The following PER1 variants were observed in gnomAD, a reference collection of about 807,000 sequenced individuals.
PER1 encodes the protein period circadian regulator 1, also known as period circadian protein homolog 1.
Under a neutral mutation model 125.9 loss-of-function variants are expected in PER1, and 87 were observed. The ratio of observed to expected loss-of-function variants is 0.69; its 90% CI spans 0.58 to 0.83. PER1 has a LOEUF of 0.83. Ranked by LOEUF, PER1 falls within the 40% of genes least tolerant of loss-of-function variation. The pLI, the probability that PER1 is intolerant of heterozygous loss-of-function variation, is 0.00. For synonymous variants in PER1, 801 were observed against 714.7 expected (o/e 1.12, Z -1.93); for missense variants, 1,775 against 1,722.8 (o/e 1.03, Z -0.54).
Position 8,143,348 on chromosome 17 carries a change from C to T in PER1, c.2990G>A (p.Gly997Glu), listed in dbSNP as rs780194147. The change falls in exon 19 of 23, where the codon GGG (glycine) becomes GAG (glutamate). Residue 997 changes from glycine (G) to glutamate (E), a missense_variant. Physicochemically the swap from Gly to Glu is moderately conservative, Grantham distance 98. Transcript: ENST00000317276. The stretch of plus-strand genomic sequence containing the variant: ...CCCAGGGCCTCCTGCAACAGCAGCC[C>T]CCTCAGCACGGGGGAGCTCCTCCAG... Reference protein sequence around the residue: ...LQLEELPRAEGAAVAGGPGSS... With the variant: ...LQLEELPRAEEAAVAGGPGSS... The T allele has an allele frequency of 1.9e-6, 3 of 1,611,148 alleles. No individual in the cohort carries two copies. The highest frequency in any genetic ancestry group is 2.5e-6 in the Non-Finnish European group (3 of 1,178,598).
In PER1 at chr17:8,148,725, T is replaced by A; in HGVS notation, c.967A>T (p.Thr323Ser). The change falls in exon 8 of 23, where the codon ACC becomes TCC. Residue 323 changes from threonine to serine, a missense_variant. Transcript: ENST00000317276. ...GCCCCATCTGAGACCCGGATCTTGG[T>A]CACATACGGGGTTAGGCGGAATGGC... ...YQPFRLTPYV[T>S]KIRVSDGAPA... 1.9e-6 allele frequency: 3 copies of A among 1,613,698 alleles called. No individual in the cohort carries two copies. Among genetic ancestry groups the A allele is most frequent in the Non-Finnish European group, 2.5e-6 (3 of 1,179,856 alleles).
intron 5 of PER1, 38 bp downstream of exon 5, chr17:8,149,717 G>C (rs1982711702): frequency 3.7e-6 from 6 of 1,612,646 alleles, no homozygotes; most frequent in Admixed American, 1.7e-5. Flanking sequence ...AGAAGGAGTA[G>C]GGGTGCGTCG....
Position 8,142,297 on chromosome 17 carries a change from C to G in PER1, c.3421G>C (p.Val1141Leu). ...WLLMANADQR[V>L]MMTYQVPSRD... The stretch of plus-strand genomic sequence containing the variant: ...GAGGGCACCTGGTAGGTCATCATGA[C>G]GCGCTGGTCAGCATTGGCCATGAGC... Residue 1141 changes from valine to leucine, a missense_variant, in exon 21 of 23, where the codon GTC becomes CTC. Physicochemically the swap from Val to Leu is conservative, Grantham distance 32 (BLOSUM62 1). Coordinates refer to ENST00000317276, the MANE Select transcript of PER1 (RefSeq NM_002616.3). 1 of 1,605,366 alleles carries G rather than the reference C, an allele frequency of 6.2e-7. No individual in the cohort carries two copies. The highest frequency in any genetic ancestry group is 1.1e-5 in the South Asian group (1 of 89,680).
At chr17:8,141,446 C>CA (rs1209605482) in intron 22 of PER1, 106 bp from the exon 23 acceptor site, 1 of 1,296,906 alleles carries the variant, frequency 7.7e-7, no homozygotes, top group Non-Finnish European at 1.1e-6. Context: ...AATGTACTCC[C>CA]AAGAAGCACC....
rs746341075 is a variant in PER1, at chr17:8,149,470, G to A, written c.845C>T (p.Ala282Val). 1 of 1,612,824 alleles carries A rather than the reference G, an allele frequency of 6.2e-7. No homozygotes were observed. Among genetic ancestry groups the A allele is most frequent in the South Asian group, 1.1e-5 (1 of 91,068 alleles). The change falls in exon 6 of 23, where the codon GCC becomes GTC. Residue 282 changes from alanine (A) to valine (V), a missense_variant. Physicochemically the swap from Ala to Val is moderately conservative, Grantham distance 64 (BLOSUM62 0). Coordinates refer to ENST00000317276, the MANE Select transcript of PER1 (RefSeq NM_002616.3). ...PSRLPTWGTG[A>V]SAGSGLRDFT... ...GCGCTTGGGCACCTCACCTGCTGAG[G>A]CCCCTGTGCCCCAGGTGGGCAGGCG...
At chr17:8,146,214 G>T (rs1211813003) in intron 16 of PER1, 77 bp from the exon 17 acceptor site, 28 of 1,536,096 alleles carry the variant, frequency 1.8e-5, no homozygotes, top group Non-Finnish European at 2.5e-5. Flanking sequence ...GGGAAAAGGG[G>T]AAGGGGATGG....
intron 1 of PER1, among the ~76,000 whole-genome samples, chr17:8,151,439 G>A (rs1982857345): frequency 6.6e-6 from 1 of 152,108 alleles, no homozygotes; most frequent in African/African-American, 2.4e-5. Context: ...ACTGGTGGGC[G>A]CGGCCGGGGG....
rs769829455 is a variant in PER1, at chr17:8,142,412, G to A, written c.3306C>T (p.Asp1102=). 8 of 1,606,462 alleles carry A rather than the reference G, an allele frequency of 5.0e-6. No homozygotes were observed. Among genetic ancestry groups the A allele is most frequent in the East Asian group, 2.2e-5 (1 of 44,830 alleles). ...CAGCCCCAGCCTCAGCCTCGGAAGA[G>A]TCGATGCTGCCAAAGTATTTGCTTG... ...SHTSKYFGSI[D]SSEAEAGAAR... The change falls in exon 21 of 23, where the codon GAC becomes GAT. Residue 1102 remains aspartate, a synonymous_variant. Transcript: ENST00000317276.
rs765475664 is a variant in PER1, at chr17:8,150,414, A to C, written c.275+18T>G. 4 of 1,594,680 alleles carry C rather than the reference A, an allele frequency of 2.5e-6. No individual in the cohort carries two copies. The Admixed American group carries it at 7.0e-5, about 28-fold the overall frequency. Reference sequence around the variant, plus strand: ...TCACAAGACCATTCCTAGACCCAACATACACATCCATACACACCTCTTGCT... The same window carrying C: ...TCACAAGACCATTCCTAGACCCAACCTACACATCCATACACACCTCTTGCT... On this transcript the variant is annotated intron_variant, in intron 2 of 22. Coordinates refer to ENST00000317276, the MANE Select transcript of PER1 (RefSeq NM_002616.3).
rs1463767905 is a variant in PER1 at position 8,147,532 on chromosome 17, C to A, written c.1435G>T (p.Ala479Ser). The A allele has an allele frequency of 1.2e-6, 2 of 1,613,792 alleles. No homozygotes were observed. The highest frequency in any genetic ancestry group is 1.7e-6 in the Non-Finnish European group (2 of 1,179,872). Reference sequence around the variant, plus strand: ...TGGATATCAGTGTCCAGGGAGGGAGCTGGGCTGGGGGCCGGGGGAGTGAAC... The same window carrying A: ...TGGATATCAGTGTCCAGGGAGGGAGATGGGCTGGGGGCCGGGGGAGTGAAC... ...DVFTPPAPSP[A>S]PSLDTDIQEL... Residue 479 changes from alanine (A) to serine (S), a missense_variant, in exon 12 of 23, where the codon GCT (alanine) becomes TCT (serine). By Grantham distance (99) the Ala-to-Ser change is moderately conservative (BLOSUM62 1). Transcript: ENST00000317276.
In PER1 at chr17:8,142,631, T is replaced by C. The variant is rs1039007128; in HGVS notation, c.3259+18A>G. 3 of 1,612,188 alleles carry C rather than the reference T, an allele frequency of 1.9e-6. No individual in the cohort carries two copies. Among genetic ancestry groups the C allele is most frequent in the Non-Finnish European group, 2.5e-6 (3 of 1,178,656 alleles). ...ATCACTGCCCTACCCTGGGAGATGC[T>C]GGAGGCGGGGTACTCACGAGTGATG... On this transcript the variant is annotated intron_variant, in intron 20 of 22. Coordinates refer to ENST00000317276, the MANE Select transcript of PER1 (RefSeq NM_002616.3).
chr17:8,148,066 G>T lies in PER1; in HGVS notation c.1165C>A (p.Leu389Met), dbSNP rs979086054. Reference protein sequence around the residue: ...PLLGYLPQDLLGAPVLLFLHP... With the variant: ...PLLGYLPQDLMGAPVLLFLHP... ...AGGAACAGGAGCACTGGGGCCCCCAGGAGGTCCTGGGGCAGGTAGCCCAGC... is the reference window on the plus strand; with the variant it reads ...AGGAACAGGAGCACTGGGGCCCCCATGAGGTCCTGGGGCAGGTAGCCCAGC... Residue 389 changes from leucine (L) to methionine (M), a missense_variant, in exon 10 of 23, where the codon CTG becomes ATG. By Grantham distance (15) the Leu-to-Met change is conservative. Transcript: ENST00000317276. The T allele has an allele frequency of 2.5e-6, 4 of 1,612,458 alleles. No homozygotes were observed. The highest frequency in any genetic ancestry group is 3.4e-6 in the Non-Finnish European group (4 of 1,179,368).
At position 8,145,992 on chromosome 17, in the gene PER1, G is replaced by T. The variant is rs546739648; in HGVS notation, c.2184C>A (p.Ile728=). ...GGGGCTTCTTGTCTCCCACATGGAC[G>T]ATGGTGGAGCTGAAGCTACACTGAC... is the stretch of plus-strand genomic sequence containing the variant. ...VTSQCSFSST[I]VHVGDKKPPE... Residue 728 remains isoleucine, a synonymous_variant, in exon 17 of 23, where the codon ATC becomes ATA. Coordinates refer to ENST00000317276, the MANE Select transcript of PER1 (RefSeq NM_002616.3). 1.9e-6 allele frequency: 3 copies of T among 1,612,472 alleles called. No homozygotes were observed. The highest frequency in any genetic ancestry group is 1.7e-5 in the Admixed American group (1 of 59,828).
rs1982618043 is a variant in PER1, at chr17:8,148,672, A to C, written c.1020T>G (p.Ile340Met). Reference sequence around the variant, plus strand: ...CGTAACCCGAATGGATGCGCTCTGCAATCAGCAGGCAGCACGGCTGTGCAG... The same window carrying C: ...CGTAACCCGAATGGATGCGCTCTGCCATCAGCAGGCAGCACGGCTGTGCAG... ...GAPAQPCCLL[I>M]AERIHSGYEA... The change falls in exon 8 of 23, where the codon ATT becomes ATG. Residue 340 changes from isoleucine (I) to methionine (M), a missense_variant. Coordinates refer to ENST00000317276, the MANE Select transcript of PER1 (RefSeq NM_002616.3). 6.2e-7 allele frequency: 1 copy of C among 1,612,438 alleles called. No homozygotes were observed. The highest frequency in any genetic ancestry group is 1.3e-5 in the African/African-American group (1 of 74,842).
intron 17 of PER1, 54 bp downstream of exon 17, chr17:8,145,904 C>G: frequency 6.5e-7 from 1 of 1,535,366 alleles, no homozygotes. Flanking sequence ...GGAGGGAGCT[C>G]TAGCTGGGAG....
rs1413220454 is a variant in PER1, at chr17:8,144,602, C to A, written c.2461+149G>T. ...CCCCATCCTAGTGGGGAGAAGCTAGCGAGGGGCCTGTCCCTAGGCAGGGCC... is the reference window on the plus strand; with the variant it reads ...CCCCATCCTAGTGGGGAGAAGCTAGAGAGGGGCCTGTCCCTAGGCAGGGCC... On this transcript the variant is annotated intron_variant, in intron 18 of 22. Transcript: ENST00000317276. 4 of 1,069,098 alleles carry A rather than the reference C, an allele frequency of 3.7e-6. No individual in the cohort carries two copies. In the African/African-American group the frequency reaches 6.3e-5, roughly 17 times the overall value. The allele number at this position is 1,069,098 out of a possible 1,614,324, so 66.2% of individuals were successfully genotyped here. A position where few individuals can be genotyped will look rare whatever the true frequency, so the allele number is the denominator to read the frequency against.
intron 12 of PER1, 35 bp from the exon 13 acceptor site, chr17:8,147,416 C>G (rs1237519413): frequency 1.2e-6 from 2 of 1,613,010 alleles, no homozygotes; most frequent in Non-Finnish European, 1.7e-6. Context: ...GATGGCTTGA[C>G]CCGGCTTCCC....
chr17:8,141,218 G>C lies in PER1; in HGVS notation c.3723C>G (p.Ser1241Arg), dbSNP rs769865378. 2 of 1,613,998 alleles carry C rather than the reference G, an allele frequency of 1.2e-6. No homozygotes were observed. Among genetic ancestry groups the C allele is most frequent in the African/African-American group, 2.7e-5 (2 of 74,922 alleles). ...MEEGGGEQGSSGGGSGEGEGC... is the reference protein window; with the variant it reads ...MEEGGGEQGSRGGGSGEGEGC... ...CCTCTCCCTCACCACTGCCGCCACC[G>C]CTGCTGCCCTGCTCGCCTCCACCCT... is the stretch of plus-strand genomic sequence containing the variant. The change falls in exon 23 of 23, where the codon AGC becomes AGG. Residue 1241 changes from serine (S) to arginine (R), a missense_variant. Transcript: ENST00000317276.
rs1982493079 is a variant in PER1, at chr17:8,146,985, G to C, written c.1647C>G (p.Ile549Met). 6.2e-7 allele frequency: 1 copy of C among 1,613,876 alleles called. No individual in the cohort carries two copies. The highest frequency in any genetic ancestry group is 1.7e-5 in the Admixed American group (1 of 59,992). The change falls in exon 14 of 23, where the codon ATC becomes ATG. Residue 549 changes from isoleucine (I) to methionine (M), a missense_variant. Coordinates refer to ENST00000317276, the MANE Select transcript of PER1 (RefSeq NM_002616.3). The part of the protein sequence containing the change: ...GPPAPVTFQQ[I>M]CKDVHLVKHQ... ...GCTTCACCAGATGCACATCCTTACAGATCTGCTGGAAAGTCACCTGTGGGA... is the reference window on the plus strand; with the variant it reads ...GCTTCACCAGATGCACATCCTTACACATCTGCTGGAAAGTCACCTGTGGGA...
Sources: gnomAD v4.1 joint callset for allele counts (sites outside exome capture counted in the v4.1 genomes callset) on GRCh38, gnomAD v4.1.1 for gene constraint, MANE v1.5 for transcripts, NCBI Gene and HGNC (gene_info 2026-07-23, HGNC 2026-07-21) for gene names.